Variants in GSE1 observed in about 807,000 individuals in gnomAD.
GSE1 encodes Gse1 coiled-coil protein, also known as genetic suppressor element 1.
In GSE1, 32 loss-of-function variants were observed where a neutral mutation model predicts 112.6. That is an observed-to-expected ratio of 0.28 (90% CI 0.21 to 0.38). GSE1 has a LOEUF of 0.38. Among genes scored for constraint, GSE1 ranks in the 10% least tolerant of loss-of-function variants. GSE1 has a pLI of 1.00. For missense variants in GSE1, 2,348 were observed against 1,699.2 expected, an observed-to-expected ratio of 1.38 and a Z score of -6.71; for synonymous variants, 1,115 against 735.6, an observed-to-expected ratio of 1.52 and a Z score of -8.35.
At chr16:85,489,070 G>A (rs1349539182) in intron 2 of GSE1, among the ~76,000 whole-genome samples, 2 of 152,190 alleles carry the variant, frequency 1.3e-5, no homozygotes, top group African/African-American at 4.8e-5. Context: ...GTCATGCTGG[G>A]AAGTATCCAT....
chr16:85,553,760 G>A (rs575479383), upstream of GSE1, among the ~76,000 whole-genome samples: 1 of 152,306 alleles, frequency 6.6e-6, no homozygotes, highest in African/African-American at 2.4e-5. Flanking sequence ...GGCTTGGAGA[G>A]GTCAAAAGGC....
chr16:85,368,531 C>G (rs1361320230), intron 2 of GSE1, among the ~76,000 whole-genome samples: 2 of 151,948 alleles, frequency 1.3e-5, no homozygotes, highest in Non-Finnish European at 2.9e-5. Context: ...ATAATGAGAC[C>G]ACATCTCTAC....
chr16:85,640,435 G>A (rs1223351709), intron 2 of GSE1, among the ~76,000 whole-genome samples: 3 of 152,228 alleles, frequency 2.0e-5, no homozygotes, highest in South Asian at 2.1e-4. Context: ...TCTTGTCATC[G>A]AGGCCCGCGG....
intron 2 of GSE1, among the ~76,000 whole-genome samples, chr16:85,402,601 C>A (rs1374285810): frequency 6.6e-6 from 1 of 152,148 alleles, no homozygotes; most frequent in Non-Finnish European, 1.5e-5. Flanking sequence ...CGGCGCTGGG[C>A]CTGCCAGTTA....
intron 1 of GSE1, among the ~76,000 whole-genome samples, chr16:85,219,672 T>C (rs1048581918): frequency 6.6e-6 from 1 of 152,256 alleles, no homozygotes; most frequent in African/African-American, 2.4e-5. Flanking sequence ...GTCCTCTGCC[T>C]CCGTGCACCT....
At chr16:85,189,527 G>A (rs1263107430) in intron 1 of GSE1, among the ~76,000 whole-genome samples, 1 of 152,200 alleles carries the variant, frequency 6.6e-6, no homozygotes, top group African/African-American at 2.4e-5. Context: ...AATAAAAATG[G>A]CATTAAGTAT....
At chr16:85,342,981 G>A (rs1438000251) in intron 1 of GSE1, among the ~76,000 whole-genome samples, 1 of 152,000 alleles carries the variant, frequency 6.6e-6, no homozygotes, top group Non-Finnish European at 1.5e-5. Flanking sequence ...GGAGGGGGTG[G>A]CAGGCAGCAG....
chr16:85,377,440 T>C (rs1276541933), intron 2 of GSE1, among the ~76,000 whole-genome samples: 2 of 152,162 alleles, frequency 1.3e-5, no homozygotes, highest in East Asian at 3.8e-4. Context: ...GAGATGCCAA[T>C]GGAAACCTCT....
intron 2 of GSE1, among the ~76,000 whole-genome samples, chr16:85,427,019 A>C (rs980865964): frequency 1.3e-5 from 2 of 152,130 alleles, no homozygotes; most frequent in Middle Eastern, 6.3e-3. Flanking sequence ...AAATGGAGCT[A>C]TGAGGCTGTC....
At chr16:85,192,423 A>G (rs1249991970) in intron 1 of GSE1, among the ~76,000 whole-genome samples, 1 of 152,258 alleles carries the variant, frequency 6.6e-6, no homozygotes, top group Non-Finnish European at 1.5e-5. Flanking sequence ...GCAATGTGCC[A>G]AGCATTGTTA....
chr16:85,563,330 G>T (rs2045606279), intron 1 of GSE1, among the ~76,000 whole-genome samples: 1 of 152,074 alleles, frequency 6.6e-6, no homozygotes, highest in African/African-American at 2.4e-5. Context: ...TGAAAGCTTG[G>T]GGTAAAAGGA....
intron 2 of GSE1, among the ~76,000 whole-genome samples, chr16:85,427,353 T>C (rs1239256913): frequency 2.6e-5 from 4 of 152,212 alleles, no homozygotes; most frequent in African/African-American, 9.7e-5. Context: ...TTTAACAATA[T>C]GTTTTAGGCC....
Position 85,262,123 on chromosome 16 carries a change from G to A in GSE1, c.2283+90316G>A, listed in dbSNP as rs141031640. ...CTGGCATCTCCCCGGCGGGTGCTTGGAATGCCCCAAACAAGAAGCCTGCTC... is the reference window on the plus strand; with the variant it reads ...CTGGCATCTCCCCGGCGGGTGCTTGAAATGCCCCAAACAAGAAGCCTGCTC... On this transcript the variant is annotated intron_variant, in intron 1 of 2. Transcript: ENST00000637419. 1.8e-3 allele frequency among the ~76,000 whole-genome samples: 270 copies of A among 152,278 alleles called. 4 individuals carry two copies. Among genetic ancestry groups the A allele is most frequent in the African/African-American group, 6.3e-3 (261 of 41,550 alleles).
chr16:85,504,163 G>A (rs1396819237), intron 2 of GSE1, among the ~76,000 whole-genome samples: 3 of 152,236 alleles, frequency 2.0e-5, no homozygotes, highest in Non-Finnish European at 4.4e-5. Flanking sequence ...CGTGGAACAG[G>A]TACCCCGCTC....
Position 85,439,845 on chromosome 16 carries a change from CAT to C in GSE1, c.2464+82204_2464+82205del, listed in dbSNP as rs1294266701. Among the ~76,000 whole-genome samples the C allele has an allele frequency of 3.3e-5, 5 of 152,184 alleles. No homozygotes were observed. The South Asian group carries it at 6.2e-4, about 19-fold the overall frequency. ...AGATGCATGCATGCACACACAGACACATAAACTCACAGGCATGCACACATATG... is the reference window on the plus strand; with the variant it reads ...AGATGCATGCATGCACACACAGACACAAACTCACAGGCATGCACACATATG... On this transcript the variant is annotated intron_variant, in intron 2 of 2. Transcript: ENST00000637419.
chr16:85,340,218 C>T lies in GSE1; in HGVS notation c.2284-17245C>T, dbSNP rs567689502. Among the ~76,000 whole-genome samples, 33 of 152,184 alleles carry T rather than the reference C, an allele frequency of 2.2e-4. No individual in the cohort carries two copies. The East Asian group carries it at 5.8e-3, about 27-fold the overall frequency. ...GAAAAAAATTAGCCGGGTGTGGTGG[C>T]GTGTGTCTGTGGTCCCAGTTACCTG... On this transcript the variant is annotated intron_variant, in intron 1 of 2. Transcript: ENST00000637419.
At chr16:85,508,878 G>A (rs1261572701) in intron 2 of GSE1, among the ~76,000 whole-genome samples, 2 of 152,248 alleles carry the variant, frequency 1.3e-5, no homozygotes, top group African/African-American at 4.8e-5. Context: ...GTACAAACGT[G>A]TGTGTCAGGG....
chr16:85,517,677 G>A (rs969231037), intron 2 of GSE1, among the ~76,000 whole-genome samples: 5 of 152,072 alleles, frequency 3.3e-5, no homozygotes, highest in African/African-American at 7.2e-5. Context: ...TTCTTTTCTC[G>A]TTTTATCTCA....
intron 1 of GSE1, among the ~76,000 whole-genome samples, chr16:85,182,423 G>A (rs1029255408): frequency 2.6e-5 from 4 of 152,228 alleles, no homozygotes; most frequent in African/African-American, 9.6e-5. Context: ...ACCCAGACAA[G>A]GTGTCACTCC....
Sources: gnomAD v4.1 joint callset for allele counts (sites outside exome capture counted in the v4.1 genomes callset) on GRCh38, gnomAD v4.1.1 for gene constraint, MANE v1.5 for transcripts, NCBI Gene and HGNC (gene_info 2026-07-23, HGNC 2026-07-21) for gene names.